Variants in NTM observed in about 807,000 individuals in gnomAD.
NTM encodes IgLON family member 2.
In NTM, 13 loss-of-function variants were observed where a neutral mutation model predicts 42.1. That is an observed-to-expected ratio of 0.31 (90% confidence interval 0.20 to 0.49). The LOEUF is 0.49. Among genes scored for constraint, NTM ranks in the 20% least tolerant of loss-of-function variants. NTM has a pLI of 0.99. For synonymous variants in NTM, 187 were observed against 179.2 expected (o/e 1.04, Z -0.35); for missense variants, 373 against 452.8 (o/e 0.82, Z 1.60).
chr11:132,304,465 G>A (rs1285494579), intron 4 of NTM, among the ~76,000 whole-genome samples: 1 of 151,334 alleles, frequency 6.6e-6, no homozygotes, highest in African/African-American at 2.4e-5. Flanking sequence ...TAGTGATAAA[G>A]CACTGATCAC....
At chr11:132,126,906 A>G (rs745801204) in intron 2 of NTM, among the ~76,000 whole-genome samples, 1 of 152,244 alleles carries the variant, frequency 6.6e-6, no homozygotes, top group Non-Finnish European at 1.5e-5. Flanking sequence ...TGATTCAAGC[A>G]TCTGCTCCTT....
At chr11:131,880,024 G>A (rs1168291568) in intron 1 of NTM, among the ~76,000 whole-genome samples, 1 of 152,198 alleles carries the variant, frequency 6.6e-6, no homozygotes, top group Non-Finnish European at 1.5e-5. Context: ...TAGTGGACAG[G>A]AGATAAGAGG....
At chr11:132,000,130 C>T (rs181840023) in intron 2 of NTM, among the ~76,000 whole-genome samples, 1 of 152,286 alleles carries the variant, frequency 6.6e-6, no homozygotes, top group East Asian at 1.9e-4. Context: ...CAGCCCTCAG[C>T]CCACCTGGAA....
At chr11:132,250,551 G>A (rs1195692459) in intron 4 of NTM, among the ~76,000 whole-genome samples, 1 of 149,816 alleles carries the variant, frequency 6.7e-6, no homozygotes, top group African/African-American at 2.5e-5. Flanking sequence ...ATGCCCTTAT[G>A]CATTGTTTGG....
At chr11:131,658,161 G>GTTCCATTTCT (rs2067448281) in intron 1 of NTM, among the ~76,000 whole-genome samples, 1 of 152,136 alleles carries the variant, frequency 6.6e-6, no homozygotes, top group Admixed American at 6.5e-5. Context: ...TAGGATCTTA[G>GTTCCATTTCT]TTCCATTTCT....
rs79183233 is a variant in NTM, at chr11:131,542,353, G to A, written c.82+171465G>A. On this transcript the variant is annotated intron_variant, in intron 1 of 8. Transcript: ENST00000683400. ...GAGACAAGAAGAGAGAAATGAGCAT[G>A]TCTTCAGAACTGCACTGTGAACTTC... is the stretch of plus-strand genomic sequence containing the variant. Among the ~76,000 whole-genome samples the A allele has an allele frequency of 9.4e-3, 1,428 of 152,272 alleles. 24 individuals are homozygous for A. The highest frequency in any genetic ancestry group is 0.033 in the African/African-American group (1,350 of 41,528).
chr11:132,017,282 C>T (rs1383123127), intron 2 of NTM, among the ~76,000 whole-genome samples: 4 of 151,878 alleles, frequency 2.6e-5, no homozygotes, highest in African/African-American at 4.8e-5. Context: ...TCATACATGT[C>T]GATCTGCTGT....
At chr11:131,704,654 A>G (rs1028533540) in intron 1 of NTM, among the ~76,000 whole-genome samples, 17 of 152,232 alleles carry the variant, frequency 1.1e-4, no homozygotes, top group African/African-American at 4.1e-4. Flanking sequence ...AGATCTACAA[A>G]CTTCCTGACA....
chr11:132,321,704 G>A (rs2095572374), intron 7 of NTM, among the ~76,000 whole-genome samples: 1 of 151,200 alleles, frequency 6.6e-6, no homozygotes, highest in Non-Finnish European at 1.5e-5. Flanking sequence ...CTCGAGAAGA[G>A]CAACTCCAAG....
chr11:131,760,980 C>A (rs1206510983), intron 1 of NTM, among the ~76,000 whole-genome samples: 3 of 151,986 alleles, frequency 2.0e-5, no homozygotes, highest in Non-Finnish European at 4.4e-5. Flanking sequence ...ATTATCAGGG[C>A]TGCTGTTGTT....
chr11:132,168,331 G>A (rs899301574), intron 3 of NTM, among the ~76,000 whole-genome samples: 7 of 152,156 alleles, frequency 4.6e-5, no homozygotes, highest in African/African-American at 9.7e-5. Context: ...GCCTGGATCA[G>A]GACAATCCTG....
chr11:132,269,171 A>G (rs1015801099), intron 4 of NTM, among the ~76,000 whole-genome samples: 2 of 152,210 alleles, frequency 1.3e-5, no homozygotes, highest in African/African-American at 4.8e-5. Flanking sequence ...AGCCGAGGAC[A>G]TACAATAGAA....
chr11:131,755,973 C>T (rs1294809321), intron 1 of NTM, among the ~76,000 whole-genome samples: 1 of 152,216 alleles, frequency 6.6e-6, no homozygotes, highest in Non-Finnish European at 1.5e-5. Context: ...TCTGCATTGG[C>T]CAGGAGATAT....
At chr11:131,460,320 G>T (rs1951262761) in intron 1 of NTM, among the ~76,000 whole-genome samples, 1 of 152,202 alleles carries the variant, frequency 6.6e-6, no homozygotes, top group East Asian at 1.9e-4. Context: ...ATTTTGAATG[G>T]CCCCAAAGGC....
chr11:132,008,127 G>A (rs1311322718), intron 2 of NTM, among the ~76,000 whole-genome samples: 1 of 152,194 alleles, frequency 6.6e-6, no homozygotes, highest in East Asian at 1.9e-4. Context: ...ACTAAGCAGG[G>A]AATTGGGGTT....
At chr11:132,154,243 G>A (rs1345524694) in intron 3 of NTM, among the ~76,000 whole-genome samples, 3 of 152,170 alleles carry the variant, frequency 2.0e-5, no homozygotes, top group Non-Finnish European at 4.4e-5. Context: ...ACAAGGAAGT[G>A]CACATTAGAT....
At chr11:131,972,042 C>CAAAAAAACAA (rs2063621251) in intron 2 of NTM, among the ~76,000 whole-genome samples, 1 of 57,842 alleles carries the variant, frequency 1.7e-5, no homozygotes. Flanking sequence ...GACTCCGTCT[C>CAAAAAAACAA]AAAAAAAAAA....
intron 2 of NTM, among the ~76,000 whole-genome samples, chr11:132,059,568 A>T (rs971137312): frequency 1.3e-5 from 2 of 152,140 alleles, no homozygotes; most frequent in Non-Finnish European, 2.9e-5. Context: ...TCAAGTTCAG[A>T]TCCTAGGTTA....
intron 1 of NTM, among the ~76,000 whole-genome samples, chr11:131,548,338 A>AT (rs1418744714): frequency 3.3e-5 from 5 of 152,114 alleles, no homozygotes; most frequent in African/African-American, 1.2e-4. Context: ...CAGGCAGTAC[A>AT]TCCAGGTGAT....
Sources: allele counts gnomAD v4.1 joint callset (sites outside exome capture counted in the v4.1 genomes callset), GRCh38; gene constraint gnomAD v4.1.1; transcripts MANE v1.5; gene names NCBI Gene and HGNC (gene_info 2026-07-23, HGNC 2026-07-21).